Variants in THSD4 observed in about 807,000 individuals in gnomAD.
The protein encoded by THSD4 is thrombospondin type-1 domain-containing protein 4.
In THSD4, 69 loss-of-function variants were observed where a neutral mutation model predicts 119.0. The ratio of observed to expected loss-of-function variants is 0.58; its 90% confidence interval spans 0.48 to 0.71. THSD4 has a LOEUF of 0.71. Ranked by LOEUF, THSD4 falls within the 30% of genes least tolerant of loss-of-function variation. The probability of loss-of-function intolerance (pLI) is 0.00; values close to 1 mark genes in which losing one functional copy is unlikely to be tolerated. For synonymous variants in THSD4, 524 were observed against 540.4 expected, an observed-to-expected ratio of 0.97 and a Z score of 0.42; for missense variants, 1,393 against 1,391.1, an observed-to-expected ratio of 1.00 and a Z score of -0.02.
upstream of THSD4, among the ~76,000 whole-genome samples, chr15:71,113,042 A>C (rs913062896): frequency 6.6e-6 from 1 of 152,100 alleles, no homozygotes; most frequent in Admixed American, 6.5e-5. Context: ...AAAAAAAATT[A>C]GTCAAATGTG....
chr15:71,392,806 C>T (rs1472781136), intron 6 of THSD4, among the ~76,000 whole-genome samples: 3 of 152,194 alleles, frequency 2.0e-5, no homozygotes, highest in African/African-American at 7.2e-5. Flanking sequence ...TCTGTACACA[C>T]CCTTTGTTCT....
At chr15:71,223,965 CT>C (rs2043994711) in intron 4 of THSD4, among the ~76,000 whole-genome samples, 1 of 152,080 alleles carries the variant, frequency 6.6e-6, no homozygotes, top group Non-Finnish European at 1.5e-5. Context: ...CCTTGAGGGG[CT>C]CATGCTGGTG....
At chr15:71,344,507 C>T (rs968335515) in intron 6 of THSD4, among the ~76,000 whole-genome samples, 4 of 152,136 alleles carry the variant, frequency 2.6e-5, no homozygotes, top group Non-Finnish European at 2.9e-5. Context: ...ACATGTTTCA[C>T]GCCTCAGGGA....
At chr15:71,600,693 T>C (rs867322061) in intron 7 of THSD4, among the ~76,000 whole-genome samples, 1 of 152,162 alleles carries the variant, frequency 6.6e-6, no homozygotes, top group Non-Finnish European at 1.5e-5. Flanking sequence ...GCATTTCACC[T>C]GCATTATCTC....
Position 71,771,336 on chromosome 15 carries a change from G to A in THSD4, c.2914+128G>A. The A allele has an allele frequency of 2.5e-6, 3 of 1,214,186 alleles. No individual in the cohort carries two copies. The African/African-American group carries it at 4.6e-5, about 19-fold the overall frequency. The allele number at this position is 1,214,186 out of a possible 1,614,324, so 75.2% of individuals were successfully genotyped here. ...TTGCACACAGTCATGGAGTTCAGAG[G>A]GTTGAGGTGCTTTTGGTATTATAAA... On this transcript the variant is annotated intron_variant, in intron 17 of 17. Coordinates refer to ENST00000261862, the MANE Select transcript of THSD4 (RefSeq NM_024817.3).
At chr15:71,395,187 G>A (rs1270606780) in intron 6 of THSD4, among the ~76,000 whole-genome samples, 1 of 152,200 alleles carries the variant, frequency 6.6e-6, no homozygotes, top group Non-Finnish European at 1.5e-5. Flanking sequence ...GGATGGCTGT[G>A]AGGAGAGGAG....
At chr15:71,481,676 A>G (rs1472238175) in intron 7 of THSD4, among the ~76,000 whole-genome samples, 1 of 28,498 alleles carries the variant, frequency 3.5e-5, no homozygotes, top group African/African-American at 9.7e-5. Context: ...GTAATTACCT[A>G]AAAAGAAATA....
chr15:71,321,843 T>G (rs919181983), intron 6 of THSD4, among the ~76,000 whole-genome samples: 3 of 152,052 alleles, frequency 2.0e-5, no homozygotes, highest in African/African-American at 7.2e-5. Context: ...TGAGCAATAT[T>G]TAAAAGAATA....
chr15:71,204,583 T>C (rs1017885575), intron 3 of THSD4, among the ~76,000 whole-genome samples: 1 of 152,088 alleles, frequency 6.6e-6, no homozygotes, highest in Non-Finnish European at 1.5e-5. Context: ...TTTACTGATA[T>C]GGAAACTGAG....
At chr15:71,588,721 A>G (rs1374385898) in intron 7 of THSD4, among the ~76,000 whole-genome samples, 1 of 152,234 alleles carries the variant, frequency 6.6e-6, no homozygotes, top group African/African-American at 2.4e-5. Context: ...GGCGTGAGCC[A>G]CCACACCTGG....
intron 6 of THSD4, among the ~76,000 whole-genome samples, chr15:71,347,578 G>A (rs2045682689): frequency 6.6e-6 from 1 of 152,092 alleles, no homozygotes; most frequent in Non-Finnish European, 1.5e-5. Flanking sequence ...TTCTTTTGGC[G>A]GGGATCCTCC....
chr15:71,453,098 C>G (rs2047288785), intron 7 of THSD4, among the ~76,000 whole-genome samples: 1 of 152,210 alleles, frequency 6.6e-6, no homozygotes. Flanking sequence ...CTCACGAGAG[C>G]CCAACCCTTC....
intron 8 of THSD4, among the ~76,000 whole-genome samples, chr15:71,667,023 GAGATA>G (rs1213066827): frequency 1.3e-5 from 2 of 152,228 alleles, no homozygotes; most frequent in East Asian, 3.8e-4. Flanking sequence ...CATATTTCAG[GAGATA>G]AGATGTTTAT....
At chr15:71,455,213 A>G (rs537011128) in intron 7 of THSD4, among the ~76,000 whole-genome samples, 3 of 152,168 alleles carry the variant, frequency 2.0e-5, no homozygotes, top group Non-Finnish European at 4.4e-5. Flanking sequence ...CTTCTGCCTG[A>G]TGTAGAAGTC....
intron 8 of THSD4, among the ~76,000 whole-genome samples, chr15:71,700,164 T>C (rs1373698232): frequency 6.6e-6 from 1 of 152,194 alleles, no homozygotes; most frequent in Non-Finnish European, 1.5e-5. Flanking sequence ...CTTATTTATA[T>C]ATGACATCAT....
At chr15:71,326,700 A>T (rs868606788) in intron 6 of THSD4, among the ~76,000 whole-genome samples, 358 of 6,170 alleles carry the variant, frequency 0.058, 20 homozygotes, top group African/African-American at 0.091. Context: ...AAAAAAAAAA[A>T]ATATATATAT....
In THSD4 at chr15:71,150,938, A is replaced by G. The variant is rs1454849730; in HGVS notation, c.30-3925A>G. Among the ~76,000 whole-genome samples, 4 of 152,216 alleles carry G rather than the reference A, an allele frequency of 2.6e-5. No homozygotes were observed. In the South Asian group the frequency reaches 8.3e-4, roughly 32 times the overall value. ...CCTACTATATAGCAGCCACTGTGCT[A>G]GGTGCTGGGGAATAAAGTAGTGACA... is the stretch of plus-strand genomic sequence containing the variant. On this transcript the variant is annotated intron_variant, in intron 2 of 17. Transcript: ENST00000261862.
intron 7 of THSD4, among the ~76,000 whole-genome samples, chr15:71,506,764 G>A (rs1202114151): frequency 6.6e-6 from 1 of 152,214 alleles, no homozygotes; most frequent in Non-Finnish European, 1.5e-5. Flanking sequence ...CTACTGCCAT[G>A]GCAGGACCCT....
At chr15:71,540,290 A>C (rs2140836120) in intron 7 of THSD4, among the ~76,000 whole-genome samples, 1 of 150,558 alleles carries the variant, frequency 6.6e-6, no homozygotes, top group South Asian at 2.1e-4. Context: ...GGCATGCACC[A>C]CCACGCCCGG....
Sources: gnomAD v4.1 joint callset for allele counts (sites outside exome capture counted in the v4.1 genomes callset) on GRCh38, gnomAD v4.1.1 for gene constraint, MANE v1.5 for transcripts, NCBI Gene and HGNC (gene_info 2026-07-23, HGNC 2026-07-21) for gene names.